Variants in CAMKMT observed in about 807,000 individuals in gnomAD.
CAMKMT encodes calmodulin-lysine N-methyltransferase, also known as CaM KMT.
Under a neutral mutation model 48.0 loss-of-function variants are expected in CAMKMT, and 53 were observed. That is an observed-to-expected ratio of 1.10 (90% CI 0.89 to 1.39). The LOEUF (loss-of-function observed/expected upper bound fraction) is 1.39, where lower values mean the gene tolerates loss of function less well. Ranked by LOEUF, CAMKMT falls within the 40% of genes most tolerant of loss-of-function variation. The pLI is 0.00. For missense variants in CAMKMT, 428 were observed against 402.7 expected, an observed-to-expected ratio of 1.06 and a Z score of -0.54; for synonymous variants, 165 against 152.3, an observed-to-expected ratio of 1.08 and a Z score of -0.61.
intron 3 of CAMKMT, among the ~76,000 whole-genome samples, chr2:44,445,081 C>T (rs1321396113): frequency 6.6e-6 from 1 of 152,168 alleles, no homozygotes; most frequent in East Asian, 1.9e-4. Flanking sequence ...TAAGCCAAGC[C>T]TCCCATTTCA....
intron 3 of CAMKMT, among the ~76,000 whole-genome samples, chr2:44,430,503 C>G (rs1684585466): frequency 6.6e-6 from 1 of 151,230 alleles, no homozygotes; most frequent in Non-Finnish European, 1.5e-5. Context: ...GACTTGCATA[C>G]TAGACCCAGA....
At chr2:44,388,117 C>T (rs1005279102) in intron 2 of CAMKMT, among the ~76,000 whole-genome samples, 2 of 152,144 alleles carry the variant, frequency 1.3e-5, no homozygotes, top group South Asian at 4.2e-4. Flanking sequence ...AATATGTTTT[C>T]CAAGCTTCTT....
At chr2:44,673,471 GAGGAAGGA>G (rs201284067) in intron 3 of CAMKMT, among the ~76,000 whole-genome samples, 1,964 of 116,848 alleles carry the variant, frequency 0.017, 19 homozygotes, top group South Asian at 0.026. Flanking sequence ...GAAAGAGAGA[GAGGAAGGA>G]AGGAAGGAAG....
Position 44,743,678 on chromosome 2 carries a change from T to G in CAMKMT, c.680T>G (p.Ile227Ser). The G allele has an allele frequency of 6.2e-7, 1 of 1,613,058 alleles. No homozygotes were observed. Among genetic ancestry groups the G allele is most frequent in the Non-Finnish European group, 8.5e-7 (1 of 1,179,250 alleles). Reference protein sequence around the residue: ...DVSQLEGHFDIVMCADCLFLD... With the variant: ...DVSQLEGHFDSVMCADCLFLD... ...TCTCAACTGGAAGGACATTTTGACATTGTTATGTGTGCTGACTGGTAAGTA... is the reference window on the plus strand; with the variant it reads ...TCTCAACTGGAAGGACATTTTGACAGTGTTATGTGTGCTGACTGGTAAGTA... Residue 227 changes from isoleucine to serine, a missense_variant, in exon 8 of 11, where the codon ATT (isoleucine) becomes AGT (serine). Ile to Ser is a moderately radical substitution (Grantham distance 142, BLOSUM62 -2). Transcript: ENST00000378494.
At chr2:44,644,174 G>T (rs1039002864) in intron 3 of CAMKMT, among the ~76,000 whole-genome samples, 17 of 152,172 alleles carry the variant, frequency 1.1e-4, no homozygotes, top group African/African-American at 4.1e-4. Context: ...GCTGTCAGTG[G>T]AGAATGTCAG....
chr2:44,546,154 GACACACACACACACACACACACACAC>G (rs4039614), intron 3 of CAMKMT, among the ~76,000 whole-genome samples: 7 of 129,084 alleles, frequency 5.4e-5, no homozygotes, highest in Admixed American at 5.2e-4. Flanking sequence ...AGACTGCTAG[GACACACACACACACACACACACACAC>G]ACACACACAC....
At chr2:44,721,013 C>T (rs1678434672) in intron 7 of CAMKMT, among the ~76,000 whole-genome samples, 1 of 152,072 alleles carries the variant, frequency 6.6e-6, no homozygotes, top group Non-Finnish European at 1.5e-5. Flanking sequence ...AGCGTTTAGT[C>T]ACCTCAGTGG....
At chr2:44,419,873 A>G (rs1282204664) in intron 3 of CAMKMT, among the ~76,000 whole-genome samples, 1 of 152,168 alleles carries the variant, frequency 6.6e-6, no homozygotes, top group Non-Finnish European at 1.5e-5. Flanking sequence ...CCCTCTTTAA[A>G]AAAATTTTTT....
At chr2:44,638,854 G>T (rs1015523955) in intron 3 of CAMKMT, among the ~76,000 whole-genome samples, 1 of 152,142 alleles carries the variant, frequency 6.6e-6, no homozygotes, top group Non-Finnish European at 1.5e-5. Context: ...CAGAGGCCTT[G>T]GACTGCCAGT....
chr2:44,456,864 A>G (rs1008577937), intron 3 of CAMKMT: 2 of 396,056 alleles, frequency 5.0e-6, no homozygotes, highest in African/African-American at 2.0e-5. Context: ...TGTCTGGGAT[A>G]CTAACTCTTA....
intron 3 of CAMKMT, among the ~76,000 whole-genome samples, chr2:44,485,109 A>G (rs958117720): frequency 2.0e-5 from 3 of 152,192 alleles, no homozygotes; most frequent in Non-Finnish European, 2.9e-5. Flanking sequence ...CATATACACT[A>G]CTAATGGAAA....
chr2:44,558,875 T>C (rs954805364), intron 3 of CAMKMT, among the ~76,000 whole-genome samples: 2 of 152,082 alleles, frequency 1.3e-5, no homozygotes. Flanking sequence ...CACCAAACCT[T>C]AGTGACACTT....
chr2:44,442,232 G>T (rs1666709145), intron 3 of CAMKMT, among the ~76,000 whole-genome samples: 1 of 152,132 alleles, frequency 6.6e-6, no homozygotes, highest in African/African-American at 2.4e-5. Flanking sequence ...CATTTGCCTT[G>T]CAAACCCATC....
At chr2:44,379,172 G>T (rs1396719220) in intron 2 of CAMKMT, among the ~76,000 whole-genome samples, 1 of 152,118 alleles carries the variant, frequency 6.6e-6, no homozygotes, top group South Asian at 2.1e-4. Flanking sequence ...TACAATATGT[G>T]GCCCTGTATG....
chr2:44,655,821 C>A (rs189157475), intron 3 of CAMKMT, among the ~76,000 whole-genome samples: 1 of 152,262 alleles, frequency 6.6e-6, no homozygotes, highest in Non-Finnish European at 1.5e-5. Context: ...TCTGCAATAA[C>A]CTTTATCTTT....
chr2:44,667,392 C>A (rs911034236), intron 3 of CAMKMT, among the ~76,000 whole-genome samples: 101 of 152,186 alleles, frequency 6.6e-4, no homozygotes, highest in African/African-American at 2.4e-3. Context: ...TTTCTTTCAT[C>A]CTTCCTACTG....
chr2:44,430,823 C>G (rs945760995), intron 3 of CAMKMT, among the ~76,000 whole-genome samples: 2 of 151,906 alleles, frequency 1.3e-5, no homozygotes, highest in African/African-American at 4.8e-5. Context: ...TGTAGCATAT[C>G]CAGAAGCAAG....
At chr2:44,379,621 ATGAAG>A (rs1236191969) in intron 2 of CAMKMT, among the ~76,000 whole-genome samples, 2 of 152,164 alleles carry the variant, frequency 1.3e-5, no homozygotes, top group Non-Finnish European at 2.9e-5. Flanking sequence ...TATAGTGGAT[ATGAAG>A]TGATATCTCA....
chr2:44,676,824 T>C (rs940732075), intron 3 of CAMKMT: 1 of 152,240 alleles, frequency 6.6e-6, no homozygotes, highest in Non-Finnish European at 1.5e-5. Flanking sequence ...TTCAGCACAA[T>C]GCCCAGCATT....
Sources: gnomAD v4.1 joint callset for allele counts (sites outside exome capture counted in the v4.1 genomes callset) on GRCh38, gnomAD v4.1.1 for gene constraint, MANE v1.5 for transcripts, NCBI Gene and HGNC (gene_info 2026-07-23, HGNC 2026-07-21) for gene names.